Variants in SMARCAD1 observed in about 807,000 individuals in gnomAD.
SMARCAD1 encodes SNF2 related chromatin remodeling ATPase with DExD box 1.
In SMARCAD1, 25 loss-of-function variants were observed where a neutral mutation model predicts 127.1. The ratio of observed to expected loss-of-function variants is 0.20; its 90% CI spans 0.14 to 0.27. The LOEUF (loss-of-function observed/expected upper bound fraction) is 0.27. Among genes scored for constraint, SMARCAD1 ranks in the 10% least tolerant of loss-of-function variants. The probability of loss-of-function intolerance (pLI) is 1.00; values close to 1 mark genes in which losing one functional copy is unlikely to be tolerated. For synonymous variants in SMARCAD1, 400 were observed against 396.9 expected (o/e 1.01, Z -0.09); for missense variants, 807 against 1,206.0 (o/e 0.67, Z 4.90).
At chr4:94,210,076 AT>A (rs1441378431) in intron 2 of SMARCAD1, among the ~76,000 whole-genome samples, 1 of 152,188 alleles carries the variant, frequency 6.6e-6, no homozygotes, top group Non-Finnish European at 1.5e-5. Flanking sequence ...ATTTATCAGT[AT>A]TGGTCATGTG....
At chr4:94,231,842 G>GA (rs941732644) in intron 3 of SMARCAD1, among the ~76,000 whole-genome samples, 143 of 151,566 alleles carry the variant, frequency 9.4e-4, no homozygotes, top group African/African-American at 3.1e-3. Context: ...TCTTTTCTCA[G>GA]AAAAAACAGA....
At chr4:94,246,279 C>T (rs749519571) in intron 6 of SMARCAD1, among the ~76,000 whole-genome samples, 14 of 152,086 alleles carry the variant, frequency 9.2e-5, no homozygotes, top group African/African-American at 1.7e-4. Context: ...GCCACCACGC[C>T]TGGCTAATTT....
chr4:94,277,267 G>A (rs1753436917), intron 16 of SMARCAD1, 108 bp downstream of exon 16: 3 of 1,221,064 alleles, frequency 2.5e-6, no homozygotes, highest in Admixed American at 1.7e-5. Flanking sequence ...GCTCTATGAA[G>A]TAACTTTAAG....
At chr4:94,235,736 A>G (rs560631584) in intron 4 of SMARCAD1, among the ~76,000 whole-genome samples, 12 of 151,786 alleles carry the variant, frequency 7.9e-5, no homozygotes, top group Admixed American at 6.6e-4. Context: ...TAGAATAAAC[A>G]TGGAGTATTA....
chr4:94,265,371 G>A (rs1288740298), intron 10 of SMARCAD1, among the ~76,000 whole-genome samples: 1 of 145,900 alleles, frequency 6.9e-6, no homozygotes, highest in Non-Finnish European at 1.5e-5. Context: ...AAATGATAAG[G>A]CCAGCTTTTT....
chr4:94,248,543 G>A (rs1334791717), intron 6 of SMARCAD1: 1 of 456,118 alleles, frequency 2.2e-6, no homozygotes, highest in Non-Finnish European at 4.4e-6. Context: ...TTCTCCAGAT[G>A]GGTTTCACCA....
chr4:94,290,548 A>G lies in SMARCAD1; in HGVS notation c.*1014A>G, dbSNP rs1382321156. 2.2e-6 allele frequency: 1 copy of G among 454,466 alleles called. No homozygotes were observed. Among genetic ancestry groups the G allele is most frequent in the Admixed American group, 2.3e-5 (1 of 42,560 alleles). The allele number at this position is 454,466 out of a possible 1,614,324, so 28.2% of individuals were successfully genotyped here. A position where few individuals can be genotyped will look rare whatever the true frequency, so the allele number is the denominator to read the frequency against. ...ATTAACTTGAAACTCTTATCAAAAT[A>G]TATTTTACCAGTTTCCAGAATTTCC... On this transcript the variant is annotated 3_prime_UTR_variant, in exon 24 of 24. Transcript: ENST00000354268.
At chr4:94,234,375 T>G (rs1347019104) in intron 4 of SMARCAD1, among the ~76,000 whole-genome samples, 1 of 152,188 alleles carries the variant, frequency 6.6e-6, no homozygotes, top group Non-Finnish European at 1.5e-5. Context: ...AGTTTTTTTG[T>G]GTTTGAATGT....
intron 6 of SMARCAD1, among the ~76,000 whole-genome samples, chr4:94,241,212 G>A (rs1747528720): frequency 6.6e-6 from 1 of 152,064 alleles, no homozygotes; most frequent in Non-Finnish European, 1.5e-5. Flanking sequence ...AGACTATTTT[G>A]TGTCTGTGGA....
chr4:94,255,179 A>G (rs1749877262), intron 9 of SMARCAD1, among the ~76,000 whole-genome samples: 1 of 152,092 alleles, frequency 6.6e-6, no homozygotes, highest in Non-Finnish European at 1.5e-5. Flanking sequence ...GAAAATTACA[A>G]GGTATTAAAT....
intron 6 of SMARCAD1, among the ~76,000 whole-genome samples, chr4:94,248,115 C>T (rs10032125): frequency 0.15 from 22,958 of 152,112 alleles, 1,941 homozygotes; most frequent in Middle Eastern, 0.22. Flanking sequence ...TTTTCTGATT[C>T]CACATTAGCT....
intron 5 of SMARCAD1, among the ~76,000 whole-genome samples, chr4:94,239,685 G>A (rs143528049): frequency 0.012 from 1,788 of 151,610 alleles, 39 homozygotes; most frequent in African/African-American, 0.04. Flanking sequence ...TGATCCTCAC[G>A]CCTCAGCCTT....
chr4:94,228,961 G>C (rs1212013385), intron 3 of SMARCAD1, among the ~76,000 whole-genome samples: 1 of 151,990 alleles, frequency 6.6e-6, no homozygotes, highest in East Asian at 1.9e-4. Flanking sequence ...TTAAATTTAG[G>C]TTAAGTGGAA....
chr4:94,281,606 G>A lies in SMARCAD1; in HGVS notation c.2726+16G>A, dbSNP rs1462812341. 5 of 1,430,262 alleles carry A rather than the reference G, an allele frequency of 3.5e-6. No homozygotes were observed. The highest frequency in any genetic ancestry group is 3.4e-5 in the South Asian group (3 of 87,272). 88.6% of individuals were successfully genotyped at this position (1,430,262 alleles called of 1,614,324 possible). On this transcript the variant is annotated intron_variant, in intron 21 of 23. Transcript: ENST00000354268. ...TTTCTGAAAGGTTGGTATAATTCAT[G>A]TTAGTTACAAAAAAATAACTCATTT...
intron 9 of SMARCAD1, among the ~76,000 whole-genome samples, chr4:94,255,901 G>A (rs915946028): frequency 3.3e-5 from 5 of 151,878 alleles, no homozygotes; most frequent in Non-Finnish European, 7.4e-5. Context: ...GGTGCCTATT[G>A]TGAGAAAACC....
chr4:94,226,336 G>A lies in SMARCAD1; in HGVS notation c.368+40G>A, dbSNP rs750787207. The A allele has an allele frequency of 2.6e-6, 4 of 1,537,600 alleles. No individual in the cohort carries two copies. In the African/African-American group the frequency reaches 4.1e-5, roughly 16 times the overall value. ...AGATATATTGTATTTGCATGTGTGTGAGATTTTCCAAGAAAAAAACCTACC... is the reference window on the plus strand; with the variant it reads ...AGATATATTGTATTTGCATGTGTGTAAGATTTTCCAAGAAAAAAACCTACC... On this transcript the variant is annotated intron_variant, in intron 3 of 23. Coordinates refer to ENST00000354268, the MANE Select transcript of SMARCAD1 (RefSeq NM_020159.5).
intron 6 of SMARCAD1, among the ~76,000 whole-genome samples, chr4:94,245,611 A>G (rs1051500851): frequency 3.9e-5 from 6 of 152,334 alleles, no homozygotes; most frequent in African/African-American, 1.4e-4. Flanking sequence ...TCATTTTCAG[A>G]TAACCTGTTT....
intron 3 of SMARCAD1, among the ~76,000 whole-genome samples, chr4:94,232,017 A>G (rs1453517080): frequency 6.6e-6 from 1 of 152,026 alleles, no homozygotes; most frequent in Non-Finnish European, 1.5e-5. Context: ...ACCCGCCACC[A>G]TGCCAAGCTA....
At chr4:94,208,995 T>C (rs767690137) in intron 2 of SMARCAD1, among the ~76,000 whole-genome samples, 2 of 152,180 alleles carry the variant, frequency 1.3e-5, no homozygotes, top group Non-Finnish European at 2.9e-5. Context: ...GCAAGGTGCC[T>C]AAAGACAACC....
Sources: allele counts gnomAD v4.1 joint callset (sites outside exome capture counted in the v4.1 genomes callset), GRCh38; gene constraint gnomAD v4.1.1; transcripts MANE v1.5; gene names NCBI Gene and HGNC (gene_info 2026-07-23, HGNC 2026-07-21).